The following RABL2A variants were observed in gnomAD, a reference collection of about 807,000 sequenced individuals.
RABL2A encodes RAB, member of RAS oncogene family like 2A, also known as rab-like protein 2A.
Under a neutral mutation model 30.7 loss-of-function variants are expected in RABL2A, and 17 were observed. The ratio of observed to expected loss-of-function variants is 0.55; its 90% CI spans 0.38 to 0.83. RABL2A has a LOEUF of 0.83. Among genes scored for constraint, RABL2A ranks in the 40% least tolerant of loss-of-function variants. The pLI is 0.00. For missense variants in RABL2A, 155 were observed against 272.6 expected (o/e 0.57, Z 3.04); for synonymous variants, 64 against 101.8 (o/e 0.63, Z 2.24).
At chr2:113,628,883 G>T (rs975478392) in intron 2 of RABL2A, among the ~76,000 whole-genome samples, 170 bp downstream of exon 2, 1 of 152,200 alleles carries the variant, frequency 6.6e-6, no homozygotes, top group Non-Finnish European at 1.5e-5. Context: ...CCCGTTGTGT[G>T]TGTCGGGTGG....
chr2:113,636,968 A>G (rs793071), intron 5 of RABL2A, among the ~76,000 whole-genome samples: 89,049 of 149,978 alleles, frequency 0.59, 28,567 homozygotes, highest in African/African-American at 0.86. Flanking sequence ...CAGCCTGGGC[A>G]ACAGAGCGAG....
intron 6 of RABL2A, 55 bp from the exon 7 acceptor site, chr2:113,641,298 C>T (rs1349165593): frequency 2.5e-6 from 4 of 1,612,684 alleles, no homozygotes; most frequent in Non-Finnish European, 3.4e-6. Flanking sequence ...GTGGCCCCCC[C>T]TCCAAACCTT....
At chr2:113,636,815 C>T (rs1438357840) in intron 5 of RABL2A, among the ~76,000 whole-genome samples, 9 of 151,998 alleles carry the variant, frequency 5.9e-5, no homozygotes, top group Admixed American at 3.3e-4. Flanking sequence ...AGTGAAACCC[C>T]GTCTCTACTA....
intron 3 of RABL2A, chr2:113,633,924 G>A (rs900215155): frequency 2.1e-5 from 18 of 854,388 alleles, no homozygotes; most frequent in African/African-American, 1.5e-4. Flanking sequence ...CTCAGACTTC[G>A]ATGGCCAGGA....
rs184186348 is a variant in RABL2A, at chr2:113,640,928, A to T, written c.332A>T (p.Asn111Ile). The T allele has an allele frequency of 1.2e-6, 2 of 1,613,806 alleles. No individual in the cohort carries two copies. Among genetic ancestry groups the T allele is most frequent in the Non-Finnish European group, 1.7e-6 (2 of 1,179,848 alleles). ...FDIQRKVTYR[N>I]LSTWYTELRE... The stretch of plus-strand genomic sequence containing the variant: ...ATACAGAGGAAAGTCACCTATAGGA[A>T]CCTGAGCACCTGGTATACAGAGCTT... The change falls in exon 6 of 9, where the codon AAC becomes ATC. Residue 111 changes from asparagine to isoleucine, a missense_variant. Transcript: ENST00000683472.
chr2:113,634,314 GGA>G, intron 4 of RABL2A, 82 bp downstream of exon 4: 1 of 1,548,982 alleles, frequency 6.5e-7, no homozygotes, highest in Non-Finnish European at 8.7e-7. Flanking sequence ...AGGTTCATAA[GGA>G]GAGAGTCCAG....
chr2:113,642,144 G>T lies in RABL2A; in HGVS notation c.*15G>T. On this transcript the variant is annotated 3_prime_UTR_variant, in exon 9 of 9. Transcript: ENST00000683472. ...CCCACAGCTGAGGGGCTGGGGCTAGGGGTGGGTGGAGCCCTTTTAAAATAC... is the reference window on the plus strand; with the variant it reads ...CCCACAGCTGAGGGGCTGGGGCTAGTGGTGGGTGGAGCCCTTTTAAAATAC... The T allele has an allele frequency of 1.9e-6, 3 of 1,613,586 alleles. No individual in the cohort carries two copies. Among genetic ancestry groups the T allele is most frequent in the Middle Eastern group, 1.7e-4 (1 of 6,046 alleles).
At position 113,638,781 on chromosome 2, in the gene RABL2A, C is replaced by T. The variant is rs184564109; in HGVS notation, c.298-2113C>T. On this transcript the variant is annotated intron_variant, in intron 5 of 8. Coordinates refer to ENST00000683472, the MANE Select transcript of RABL2A (RefSeq NM_001306158.2). The stretch of plus-strand genomic sequence containing the variant: ...ACTCAGGAGGCTGAGACAGGAGAAT[C>T]GTTTGAAGACAGGAGAATCGTTTGA... The T allele has an allele frequency of 6.6e-3, 1,174 of 176,840 alleles. 8 individuals are homozygous for T. The highest frequency in any genetic ancestry group is 0.017 in the African/African-American group (722 of 41,646). The allele number at this position is 176,840 out of a possible 1,614,324, so 11.0% of individuals were successfully genotyped here. A position where few individuals can be genotyped will look rare whatever the true frequency, so the allele number is the denominator to read the frequency against.
intron 3 of RABL2A, 54 bp downstream of exon 3, chr2:113,632,998 T>G: frequency 6.2e-7 from 1 of 1,613,798 alleles, no homozygotes; most frequent in East Asian, 2.2e-5. Flanking sequence ...CCCACGCTCA[T>G]GTATCAGTGT....
intron 5 of RABL2A, chr2:113,637,231 C>G (rs1027231288): frequency 3.1e-5 from 10 of 320,512 alleles, no homozygotes; most frequent in African/African-American, 2.2e-4. Context: ...GCACACCTTC[C>G]TTCATGCTCT....
chr2:113,642,129 A>G lies in RABL2A; in HGVS notation c.690A>G (p.Ter230TrpextTer23). 6.2e-7 allele frequency: 1 copy of G among 1,613,408 alleles called. No homozygotes were observed. Among genetic ancestry groups the G allele is most frequent in the Non-Finnish European group, 8.5e-7 (1 of 1,179,658 alleles). Residue 230 changes from the stop codon to tryptophan, a stop_lost, in exon 9 of 9, where the codon TGA (stop) becomes TGG (tryptophan). Coordinates refer to ENST00000683472, the MANE Select transcript of RABL2A (RefSeq NM_001306158.2). Reference sequence around the variant, plus strand: ...AGGAGGTGGCCTCTCCCCACAGCTGAGGGGCTGGGGCTAGGGGTGGGTGGA... The same window carrying G: ...AGGAGGTGGCCTCTCCCCACAGCTGGGGGGCTGGGGCTAGGGGTGGGTGGA... ...PSEEVASPHS[*>W]
chr2:113,636,057 G>C (rs3791332), intron 5 of RABL2A, among the ~76,000 whole-genome samples: 1 of 150,244 alleles, frequency 6.7e-6, no homozygotes, highest in African/African-American at 2.5e-5. Flanking sequence ...GCAGTGAGCC[G>C]AGATCACACC....
chr2:113,631,347 C>G (rs1485881830), intron 2 of RABL2A, among the ~76,000 whole-genome samples: 1 of 149,830 alleles, frequency 6.7e-6, no homozygotes, highest in Admixed American at 6.6e-5. Flanking sequence ...CAAAGGCACA[C>G]CCCCCCCACC....
At chr2:113,636,824 T>TA (rs1484662452) in intron 5 of RABL2A, among the ~76,000 whole-genome samples, 4 of 151,836 alleles carry the variant, frequency 2.6e-5, no homozygotes, top group Non-Finnish European at 4.4e-5. Flanking sequence ...CCGTCTCTAC[T>TA]AAAAATACAA....
At chr2:113,629,637 C>T (rs2104489870) in intron 2 of RABL2A, among the ~76,000 whole-genome samples, 1 of 152,130 alleles carries the variant, frequency 6.6e-6, no homozygotes, top group East Asian at 1.9e-4. Flanking sequence ...CGGGTTCACA[C>T]CATTCTCCTG....
chr2:113,632,836 G>A, intron 2 of RABL2A, 79 bp from the exon 3 acceptor site: 1 of 1,611,154 alleles, frequency 6.2e-7, no homozygotes, highest in African/African-American at 1.3e-5. Context: ...CTTCCAGGTT[G>A]TCAGCCTTAG....
intron 5 of RABL2A, 108 bp from the exon 6 acceptor site, chr2:113,640,786 A>G (rs1684835600): frequency 1.3e-6 from 2 of 1,569,400 alleles, no homozygotes; most frequent in African/African-American, 1.4e-5. Context: ...GTTCCCACAA[A>G]CAGCACCATG....
chr2:113,638,849 G>A (rs1191127359), intron 5 of RABL2A, among the ~76,000 whole-genome samples: 1 of 151,820 alleles, frequency 6.6e-6, no homozygotes, highest in Non-Finnish European at 1.5e-5. Context: ...CCAAGATACC[G>A]CCACTGCACT....
rs758838759 is a variant in RABL2A at position 113,635,130 on chromosome 2, G to C, written c.297G>C (p.Met99Ile). 5 of 1,614,158 alleles carry C rather than the reference G, an allele frequency of 3.1e-6. No individual in the cohort carries two copies. The highest frequency in any genetic ancestry group is 4.2e-6 in the Non-Finnish European group (5 of 1,180,020). Residue 99 changes from methionine (M) to isoleucine (I), a missense_variant and splice_region_variant, in exon 5 of 9, where the codon ATG becomes ATC. Coordinates refer to ENST00000683472, the MANE Select transcript of RABL2A (RefSeq NM_001306158.2). ...SYYHKAHACI[M>I]VFDIQRKVTY... The stretch of plus-strand genomic sequence containing the variant: ...ACCACAAGGCCCATGCCTGCATCAT[G>C]GTACGAGACGGTGGGGAGGTGGACA...
Sources: allele counts gnomAD v4.1 joint callset (sites outside exome capture counted in the v4.1 genomes callset), GRCh38; gene constraint gnomAD v4.1.1; transcripts MANE v1.5; gene names NCBI Gene and HGNC (gene_info 2026-07-23, HGNC 2026-07-21).